IMPG1: variants seen among roughly 807,000 people sequenced by gnomAD.
The protein encoded by IMPG1 is interphotoreceptor matrix proteoglycan 1.
IMPG1 carries 85 observed loss-of-function variants against 92.0 expected under a neutral mutation model. The ratio of observed to expected loss-of-function variants is 0.92; its 90% confidence interval spans 0.78 to 1.11. IMPG1 has a LOEUF of 1.11. Ranked by LOEUF, IMPG1 falls within the 50% of genes least tolerant of loss-of-function variation. IMPG1 has a pLI of 0.00. For synonymous variants in IMPG1, 367 were observed against 334.1 expected (o/e 1.10, Z -1.08); for missense variants, 1,022 against 956.0 (o/e 1.07, Z -0.91).
intron 14 of IMPG1, among the ~76,000 whole-genome samples, chr6:75,933,304 C>A (rs1226714195): frequency 6.6e-6 from 1 of 152,092 alleles, no homozygotes; most frequent in African/African-American, 2.4e-5. Context: ...ACAAATTGGT[C>A]TATAATTGCC....
chr6:76,031,261 CA>C (rs1783649193), intron 4 of IMPG1, among the ~76,000 whole-genome samples: 1 of 152,104 alleles, frequency 6.6e-6, no homozygotes, highest in Admixed American at 6.5e-5. Flanking sequence ...AGCAGTTGAC[CA>C]TTATATTTGA....
At chr6:75,939,195 C>T (rs568388923) in intron 14 of IMPG1, among the ~76,000 whole-genome samples, 1 of 152,270 alleles carries the variant, frequency 6.6e-6, no homozygotes, top group African/African-American at 2.4e-5. Context: ...TTTTTCTTTT[C>T]TTTTCTTTTT....
intron 15 of IMPG1, among the ~76,000 whole-genome samples, chr6:75,927,328 C>G (rs1199558375): frequency 3.3e-5 from 5 of 152,048 alleles, no homozygotes; most frequent in African/African-American, 4.8e-5. Flanking sequence ...GGGCAGAGCT[C>G]TTAACTTAAA....
chr6:75,931,077 C>A lies in IMPG1; in HGVS notation c.2119G>T (p.Glu707Ter). The change falls in exon 15 of 17, where the codon GAA becomes TAA. Residue 707 changes from glutamate (E) to a stop codon, truncating the protein, a stop_gained. Transcript: ENST00000369950. LOFTEE classifies it high-confidence loss of function. Reference protein sequence around the residue: ...AQCVKNERTEEAECRCKPGYD... With the variant: ...AQCVKNERTE Reference sequence around the variant, plus strand: ...CCTGGTTTGCAGCGACACTCCGCTTCCTCAGTCCGTTCGTTCTTTACACAT... The same window carrying A: ...CCTGGTTTGCAGCGACACTCCGCTTACTCAGTCCGTTCGTTCTTTACACAT... 6.2e-7 allele frequency: 1 copy of A among 1,614,202 alleles called. No homozygotes were observed. The highest frequency in any genetic ancestry group is 1.1e-5 in the South Asian group (1 of 91,084).
In IMPG1 at chr6:75,947,383, C is replaced by A; in HGVS notation, c.1975G>T (p.Asp659Tyr). The change falls in exon 14 of 17, where the codon GAT becomes TAT. Residue 659 changes from aspartate (D) to tyrosine (Y), a missense_variant. This residue lies in a region of IMPG1 where 332 missense variants were observed against 346.2 expected (regional missense o/e 0.96). Coordinates refer to ENST00000369950, the MANE Select transcript of IMPG1 (RefSeq NM_001563.4). The stretch of plus-strand genomic sequence containing the variant: ...TGTTGGGCTGCAGCAGAACGAAAAT[C>A]CTCCAAGACCCCGTGCACAGCCTTG... ...LTKAVHGVLE[D>Y]FRSAAAQQLH... 6.2e-7 allele frequency: 1 copy of A among 1,613,982 alleles called. No homozygotes were observed. Among genetic ancestry groups the A allele is most frequent in the Non-Finnish European group, 8.5e-7 (1 of 1,179,910 alleles).
At position 76,034,688 on chromosome 6, in the gene IMPG1, G is replaced by A; in HGVS notation, c.401C>T (p.Thr134Ile). The A allele has an allele frequency of 6.2e-7, 1 of 1,614,094 alleles. No individual in the cohort carries two copies. Among genetic ancestry groups the A allele is most frequent in the Non-Finnish European group, 8.5e-7 (1 of 1,179,960 alleles). Residue 134 changes from threonine (T) to isoleucine (I), a missense_variant, in exon 3 of 17, where the codon ACC becomes ATC. This residue lies in a region of IMPG1 where 681 missense variants were observed against 583.6 expected (regional missense o/e 1.17). Transcript: ENST00000369950. Reference sequence around the variant, plus strand: ...TTTTCCAATGTCAAAGAGGCAGAAGGTCTCCTGCTGGCAGATGCTGACCCA... The same window carrying A: ...TTTTCCAATGTCAAAGAGGCAGAAGATCTCCTGCTGGCAGATGCTGACCCA... Reference protein sequence around the residue: ...QDWVSICQQETFCLFDIGKNF... With the variant: ...QDWVSICQQEIFCLFDIGKNF...
At chr6:75,931,932 G>A (rs4708200) in intron 14 of IMPG1, among the ~76,000 whole-genome samples, 7 of 152,212 alleles carry the variant, frequency 4.6e-5, no homozygotes, top group Admixed American at 2.0e-4. Context: ...AGCACATTGA[G>A]CTCTCAGTAG....
rs756323714 is a variant in IMPG1, at chr6:75,950,796, T to C, written c.1590A>G (p.Pro530=). The change falls in exon 13 of 17, where the codon CCA becomes CCG. Residue 530 remains proline (P), a synonymous_variant. Coordinates refer to ENST00000369950, the MANE Select transcript of IMPG1 (RefSeq NM_001563.4). ...ATTCGCTGAGCTCTGGTACCTCAGA[T>C]GGGGCAGGAGTGTCAGACAGATCCA... ...DEMDLSDTPA[P]SEVPELSEYV... is the part of the protein sequence containing the mutation. 5 of 1,613,832 alleles carry C rather than the reference T, an allele frequency of 3.1e-6. No individual in the cohort carries two copies. The African/African-American group carries it at 4.0e-5, about 13-fold the overall frequency.
At chr6:75,963,660 C>G (rs973648219) in intron 12 of IMPG1, among the ~76,000 whole-genome samples, 6 of 152,152 alleles carry the variant, frequency 3.9e-5, no homozygotes, top group Non-Finnish European at 7.3e-5. Context: ...TAATTAAGAA[C>G]AACAGCTAAA....
At chr6:75,991,855 T>C (rs968767171) in intron 12 of IMPG1, among the ~76,000 whole-genome samples, 2 of 152,220 alleles carry the variant, frequency 1.3e-5, no homozygotes, top group African/African-American at 2.4e-5. Flanking sequence ...TTTGCATATA[T>C]GGTACTGACA....
chr6:75,968,832 G>A (rs1782354232), intron 12 of IMPG1, among the ~76,000 whole-genome samples: 1 of 152,116 alleles, frequency 6.6e-6, no homozygotes, highest in Non-Finnish European at 1.5e-5. Context: ...TCAACCAGAT[G>A]CAGGACCCTC....
chr6:75,951,127 G>A (rs772549934), intron 12 of IMPG1, 33 bp from the exon 13 acceptor site: 31 of 1,488,494 alleles, frequency 2.1e-5, no homozygotes, highest in Non-Finnish European at 2.6e-5. Context: ...TTATGTCCAA[G>A]TATTCCCCAA....
chr6:76,060,127 C>T (rs985107261), intron 1 of IMPG1, among the ~76,000 whole-genome samples: 2 of 152,042 alleles, frequency 1.3e-5, no homozygotes, highest in Admixed American at 6.6e-5. Flanking sequence ...TAGATGCTGG[C>T]TATGGTGAAG....
At position 76,034,767 on chromosome 6, in the gene IMPG1, C is replaced by T. The variant is rs1282070879; in HGVS notation, c.322G>A (p.Glu108Lys). The T allele has an allele frequency of 6.2e-7, 1 of 1,614,022 alleles. No individual in the cohort carries two copies. Among genetic ancestry groups the T allele is most frequent in the East Asian group, 2.2e-5 (1 of 44,858 alleles). Residue 108 changes from glutamate to lysine, a missense_variant, in exon 3 of 17, where the codon GAA becomes AAA. This residue lies in a region of IMPG1 where 681 missense variants were observed against 583.6 expected (regional missense o/e 1.17). Coordinates refer to ENST00000369950, the MANE Select transcript of IMPG1 (RefSeq NM_001563.4). ...RLRVCQEAVW[E>K]AYRIFLDRIP... ...CGATCCAGAAAGATCCGATATGCTT[C>T]CCATACTGCTTCCTGACACACTGTA...
At position 75,976,610 on chromosome 6, in the gene IMPG1, G is replaced by A. The variant is rs1047109423; in HGVS notation, c.1292-25516C>T. ...AAAAGGCTGAGAGATTCTTTGTCCTGAGTGAATATTAGAATCCTTGGCCAG... is the reference window on the plus strand; with the variant it reads ...AAAAGGCTGAGAGATTCTTTGTCCTAAGTGAATATTAGAATCCTTGGCCAG... On this transcript the variant is annotated intron_variant, in intron 12 of 16. Transcript: ENST00000369950. Among the ~76,000 whole-genome samples the A allele has an allele frequency of 6.6e-5, 10 of 151,742 alleles. No homozygotes were observed. In the South Asian group the frequency reaches 1.7e-3, roughly 25 times the overall value.
intron 15 of IMPG1, among the ~76,000 whole-genome samples, chr6:75,925,010 G>C (rs1247708585): frequency 1.3e-5 from 2 of 151,020 alleles, no homozygotes; most frequent in African/African-American, 4.9e-5. Flanking sequence ...TTGGTCAGTG[G>C]GTACAAAGTT....
intron 12 of IMPG1, among the ~76,000 whole-genome samples, chr6:75,983,244 T>C (rs1257424592): frequency 6.6e-6 from 1 of 151,984 alleles, no homozygotes; most frequent in Non-Finnish European, 1.5e-5. Flanking sequence ...ATAGCAACTT[T>C]AGAATTAATA....
At position 75,974,816 on chromosome 6, in the gene IMPG1, G is replaced by A. The variant is rs554475138; in HGVS notation, c.1292-23722C>T. Among the ~76,000 whole-genome samples the A allele has an allele frequency of 5.3e-5, 8 of 152,046 alleles. No individual in the cohort carries two copies. The South Asian group carries it at 1.0e-3, about 20-fold the overall frequency. ...CAGGCATGAGCCACCACACCTGGCCGGGATTTTCTTAATTGCAACAAATAT... is the reference window on the plus strand; with the variant it reads ...CAGGCATGAGCCACCACACCTGGCCAGGATTTTCTTAATTGCAACAAATAT... On this transcript the variant is annotated intron_variant, in intron 12 of 16. Coordinates refer to ENST00000369950, the MANE Select transcript of IMPG1 (RefSeq NM_001563.4).
At chr6:76,066,575 C>T (rs1784314108) in intron 1 of IMPG1, among the ~76,000 whole-genome samples, 1 of 152,040 alleles carries the variant, frequency 6.6e-6, no homozygotes, top group Non-Finnish European at 1.5e-5. Flanking sequence ...CTAGACCTAA[C>T]AAAAGAGGCA....
Sources: gnomAD v4.1 joint callset for allele counts (sites outside exome capture counted in the v4.1 genomes callset) on GRCh38, gnomAD v4.1.1 for gene constraint, gnomAD v4.1.1 regional missense constraint, MANE v1.5 for transcripts, NCBI Gene and HGNC (gene_info 2026-07-23, HGNC 2026-07-21) for gene names.